SH3BGRL2: variants seen among roughly 807,000 people sequenced by gnomAD.
SH3BGRL2 encodes SH3 domain binding glutamate rich protein like 2.
SH3BGRL2 carries 21 observed loss-of-function variants against 14.8 expected under a neutral mutation model. The observed-to-expected ratio is 1.42, with a 90% CI of 1.01 to 2.05. The LOEUF (loss-of-function observed/expected upper bound fraction) is 2.05, where lower values mean the gene tolerates loss of function less well. Among genes scored for constraint, SH3BGRL2 ranks in the 30% most tolerant of loss-of-function variants. The pLI is 0.00. For missense variants in SH3BGRL2, 147 were observed against 130.8 expected (o/e 1.12, Z -0.61); for synonymous variants, 50 against 47.8 (o/e 1.05, Z -0.19).
the SH3BGRL2 span, among the ~76,000 whole-genome samples, chr6:79,576,450 T>G: frequency 5.3e-5 from 8 of 152,212 alleles, no homozygotes; most frequent in African/African-American, 1.9e-4. Flanking sequence ...AAGCATTGGT[T>G]AGCAGTCATT....
At chr6:79,594,828 T>G in the SH3BGRL2 span, among the ~76,000 whole-genome samples, 2 of 152,240 alleles carry the variant, frequency 1.3e-5, no homozygotes, top group South Asian at 4.1e-4. Flanking sequence ...ATAAAAAAAT[T>G]AAGTTCAGAT....
rs35728679 is a variant in SH3BGRL2, at chr6:79,699,463, CTTTTTTTTTTTTTTTT to C, written c.313-20_313-5del. On this transcript the variant is annotated intron_variant, in intron 3 of 3. Coordinates refer to ENST00000369838, the MANE Select transcript of SH3BGRL2 (RefSeq NM_031469.4). ...CTTGTCGATGTAATGCAATAACTGA[CTTTTTTTTTTTTTTTT>C]TTTTTTTTTTTTTTATAGGCAGAAC... 1.0e-5 allele frequency: 9 copies of C among 880,978 alleles called. No homozygotes were observed. The African/African-American group carries it at 1.3e-4, about 13-fold the overall frequency. 54.6% of individuals were successfully genotyped at this position (880,978 alleles called of 1,614,324 possible). A position where few individuals can be genotyped will look rare whatever the true frequency, so the allele number is the denominator to read the frequency against.
intron 2 of SH3BGRL2, among the ~76,000 whole-genome samples, chr6:79,682,000 T>TAC (rs34734780): frequency 0.12 from 17,388 of 149,088 alleles, 1,463 homozygotes; most frequent in East Asian, 0.49. Flanking sequence ...ACTATTATTT[T>TAC]ACACACACAC....
In SH3BGRL2 at chr6:79,699,486, T is replaced by TC; in HGVS notation, c.313-12_313-11insC. The stretch of plus-strand genomic sequence containing the variant: ...GACTTTTTTTTTTTTTTTTTTTTTT[T>TC]TTTTTTTATAGGCAGAACCTTAGAG... On this transcript the variant is annotated splice_polypyrimidine_tract_variant and intron_variant, in intron 3 of 3. Transcript: ENST00000369838. 6.5e-7 allele frequency: 1 copy of TC among 1,532,990 alleles called. No individual in the cohort carries two copies. Among genetic ancestry groups the TC allele is most frequent in the Non-Finnish European group, 8.7e-7 (1 of 1,153,014 alleles). 95.0% of individuals were successfully genotyped at this position (1,532,990 alleles called of 1,614,324 possible).
the SH3BGRL2 span, among the ~76,000 whole-genome samples, chr6:79,614,188 G>GT: frequency 6.6e-6 from 1 of 152,110 alleles, no homozygotes; most frequent in Non-Finnish European, 1.5e-5. Flanking sequence ...ATTAGCTTAT[G>GT]TTTTTTTCCA....
At chr6:79,695,390 A>AT (rs1328944850) in intron 2 of SH3BGRL2, among the ~76,000 whole-genome samples, 2 of 152,196 alleles carry the variant, frequency 1.3e-5, no homozygotes, top group Non-Finnish European at 2.9e-5. Flanking sequence ...TAATTCAAAG[A>AT]TTTTTTAATC....
At chr6:79,613,423 T>C in the SH3BGRL2 span, among the ~76,000 whole-genome samples, 3 of 152,344 alleles carry the variant, frequency 2.0e-5, no homozygotes, top group East Asian at 5.8e-4. Context: ...TAGTATGCAC[T>C]ATATTAGTCC....
chr6:79,657,996 T>C (rs117720332), intron 1 of SH3BGRL2, among the ~76,000 whole-genome samples: 13 of 152,284 alleles, frequency 8.5e-5, no homozygotes, highest in Non-Finnish European at 1.6e-4. Context: ...TTCAAGTTAA[T>C]AGGAAGAAGC....
At chr6:79,675,496 T>C (rs1052126601) in intron 2 of SH3BGRL2, among the ~76,000 whole-genome samples, 5 of 152,172 alleles carry the variant, frequency 3.3e-5, no homozygotes, top group Admixed American at 3.3e-4. Context: ...AGAAATTCTG[T>C]GATTGCTGAT....
At chr6:79,691,581 C>CACCTATGAGTG (rs1770217646) in intron 2 of SH3BGRL2, among the ~76,000 whole-genome samples, 1 of 148,246 alleles carries the variant, frequency 6.7e-6, no homozygotes, top group African/African-American at 2.5e-5. Context: ...GTTCAATTCC[C>CACCTATGAGTG]ACCTATGAGT....
the SH3BGRL2 span, among the ~76,000 whole-genome samples, chr6:79,604,633 C>T: frequency 6.6e-6 from 1 of 152,140 alleles, no homozygotes; most frequent in Non-Finnish European, 1.5e-5. Context: ...CAGTTGTGCA[C>T]AGTATATAAT....
rs1463905136 is a variant in SH3BGRL2, at chr6:79,681,072, A to C, written c.231+7273A>C. Among the ~76,000 whole-genome samples the C allele has an allele frequency of 9.8e-5, 15 of 152,354 alleles. 1 individual carries two copies. In the South Asian group the frequency reaches 2.9e-3, roughly 29 times the overall value. ...AGGAGAAAAAACACAGTGGCTAATC[A>C]GATAGTCAAGACAGATTGGTGCAGT... On this transcript the variant is annotated intron_variant, in intron 2 of 3. Transcript: ENST00000369838.
the SH3BGRL2 span, among the ~76,000 whole-genome samples, chr6:79,577,015 G>C: frequency 6.6e-6 from 1 of 152,082 alleles, no homozygotes; most frequent in East Asian, 1.9e-4. Flanking sequence ...ATCCATTTTA[G>C]AGTTACTTTT....
chr6:79,568,866 TAGTA>T, the SH3BGRL2 span, among the ~76,000 whole-genome samples: 5 of 152,212 alleles, frequency 3.3e-5, no homozygotes, highest in Admixed American at 2.6e-4. Context: ...TTTATATTCT[TAGTA>T]TGTATGAAAT....
chr6:79,666,777 C>T (rs997360725), intron 1 of SH3BGRL2, among the ~76,000 whole-genome samples: 4 of 152,158 alleles, frequency 2.6e-5, no homozygotes, highest in Non-Finnish European at 4.4e-5. Flanking sequence ...ATTTGAGATA[C>T]ATAAGAGGTC....
At chr6:79,629,255 C>A (rs1254101020), upstream of SH3BGRL2, among the ~76,000 whole-genome samples, 1 of 152,222 alleles carries the variant, frequency 6.6e-6, no homozygotes, top group African/African-American at 2.4e-5. Context: ...TCTTCAGCTT[C>A]TCTGATTCTC....
At chr6:79,667,903 C>T (rs1430716353) in intron 1 of SH3BGRL2, among the ~76,000 whole-genome samples, 2 of 152,064 alleles carry the variant, frequency 1.3e-5, no homozygotes, top group Non-Finnish European at 2.9e-5. Context: ...GGCCCCACCT[C>T]CCCCCAGTTT....
chr6:79,651,561 T>C (rs942219009), intron 1 of SH3BGRL2, among the ~76,000 whole-genome samples: 5 of 151,738 alleles, frequency 3.3e-5, no homozygotes, highest in Non-Finnish European at 5.9e-5. Flanking sequence ...TATACACATG[T>C]TGATGGAGAA....
the SH3BGRL2 span, among the ~76,000 whole-genome samples, chr6:79,580,897 C>T: frequency 6.6e-6 from 1 of 152,092 alleles, no homozygotes; most frequent in African/African-American, 2.4e-5. Flanking sequence ...GCTAGCAAGA[C>T]TAATAAACAA....
Sources: allele counts gnomAD v4.1 joint callset (sites outside exome capture counted in the v4.1 genomes callset), GRCh38; gene constraint gnomAD v4.1.1; transcripts MANE v1.5; gene names NCBI Gene and HGNC (gene_info 2026-07-23, HGNC 2026-07-21).